Variants in DNAH7 observed in about 807,000 individuals in gnomAD.
DNAH7 encodes the protein axonemal beta dynein heavy chain 7.
In DNAH7, 397 loss-of-function variants were observed where a neutral mutation model predicts 444.6. The observed-to-expected ratio is 0.89, with a 90% CI of 0.82 to 0.97. The LOEUF is 0.97. Ranked by LOEUF, DNAH7 falls within the 50% of genes least tolerant of loss-of-function variation. The pLI is 0.00. For missense variants in DNAH7, 4,902 were observed against 4,800.8 expected (o/e 1.02, Z -0.62); for synonymous variants, 1,636 against 1,624.4 (o/e 1.01, Z -0.17).
At chr2:196,057,454 C>T (rs1697877418) in intron 2 of DNAH7, among the ~76,000 whole-genome samples, 1 of 152,014 alleles carries the variant, frequency 6.6e-6, no homozygotes, top group South Asian at 2.1e-4. Context: ...TACTTATAAA[C>T]TAGAAACAAG....
At position 195,782,121 on chromosome 2, in the gene DNAH7, T is replaced by C. The variant is rs566170692; in HGVS notation, c.10879-4136A>G. Among the ~76,000 whole-genome samples, 7 of 152,322 alleles carry C rather than the reference T, an allele frequency of 4.6e-5. No homozygotes were observed. The South Asian group carries it at 1.4e-3, about 32-fold the overall frequency. On this transcript the variant is annotated intron_variant, in intron 58 of 64. Coordinates refer to ENST00000312428, the MANE Select transcript of DNAH7 (RefSeq NM_018897.3). The stretch of plus-strand genomic sequence containing the variant: ...CTTCTTTTACACTTTTAATTTTTTC[T>C]ATTTAGTCTTTTTGGATCCAACAGA...
chr2:195,914,823 C>T (rs1364362994), intron 24 of DNAH7, among the ~76,000 whole-genome samples: 1 of 151,966 alleles, frequency 6.6e-6, no homozygotes, highest in African/African-American at 2.4e-5. Context: ...ACCACCATGT[C>T]CCACTAATTT....
chr2:195,800,243 G>T (rs1696381010), intron 54 of DNAH7, among the ~76,000 whole-genome samples: 1 of 152,174 alleles, frequency 6.6e-6, no homozygotes, highest in Non-Finnish European at 1.5e-5. Context: ...ATTTCAAGGT[G>T]AGCTTTGGTG....
intron 6 of DNAH7, among the ~76,000 whole-genome samples, chr2:196,027,170 C>G (rs1695742518): frequency 6.6e-6 from 1 of 151,990 alleles, no homozygotes; most frequent in African/African-American, 2.4e-5. Flanking sequence ...TACTGTAAAA[C>G]ATCAAGTTAT....
At chr2:195,873,485 T>C (rs1700838744) in intron 39 of DNAH7, 83 bp downstream of exon 39, 7 of 900,718 alleles carry the variant, frequency 7.8e-6, no homozygotes, top group Admixed American at 3.3e-5. Flanking sequence ...TTTTGTTCTT[T>C]GAAATACGCT....
rs1559151568 is a variant in DNAH7, at chr2:195,857,596, A to AT, written c.8194dup (p.Ile2732AsnfsTer2). The AT allele has an allele frequency of 6.2e-6, 10 of 1,613,796 alleles. No homozygotes were observed. The East Asian group carries it at 1.8e-4, about 29-fold the overall frequency. On this transcript the variant is annotated frameshift_variant, in exon 44 of 65. Coordinates refer to ENST00000312428, the MANE Select transcript of DNAH7 (RefSeq NM_018897.3). LOFTEE classifies it high-confidence loss of function. ...CTTAGCTGGGCCCCAGAAATCCTCA[A>AT]TTTTTTTCCCTGAACCTGTTGGGTC...
chr2:195,906,362 T>C (rs1687014841), intron 27 of DNAH7, among the ~76,000 whole-genome samples: 1 of 151,408 alleles, frequency 6.6e-6, no homozygotes, highest in African/African-American at 2.4e-5. Context: ...CAAAATATTT[T>C]ACATAAACTC....
chr2:195,983,604 G>C (rs1006222546), intron 15 of DNAH7, among the ~76,000 whole-genome samples: 6 of 152,132 alleles, frequency 3.9e-5, no homozygotes, highest in Admixed American at 1.3e-4. Flanking sequence ...CCTCCTACTA[G>C]GCCCCACCTC....
chr2:195,954,325 G>A (rs977775891), intron 19 of DNAH7, among the ~76,000 whole-genome samples: 1 of 152,124 alleles, frequency 6.6e-6, no homozygotes, highest in Admixed American at 6.5e-5. Context: ...ATGGTTTCCA[G>A]CTTCATCCAT....
rs1232022578 is a variant in DNAH7 at position 195,737,947 on chromosome 2, C to G, written c.12049G>C (p.Ala4017Pro). 1 of 1,614,008 alleles carries G rather than the reference C, an allele frequency of 6.2e-7. No individual in the cohort carries two copies. Among genetic ancestry groups the G allele is most frequent in the East Asian group, 2.2e-5 (1 of 44,880 alleles). The change falls in exon 65 of 65, where the codon GCA becomes CCA. Residue 4017 changes from alanine (A) to proline (P), a missense_variant. Physicochemically the swap from Ala to Pro is conservative, Grantham distance 27. Coordinates refer to ENST00000312428, the MANE Select transcript of DNAH7 (RefSeq NM_018897.3). ...PKEHWIGRGV[A>P]LLCQLNS The stretch of plus-strand genomic sequence containing the variant: ...TATGAATTAAGTTGACATAACAGTG[C>G]TACACCTCGTCCAATCCAGTGTTCC...
chr2:195,842,614 A>G (rs533547725), intron 47 of DNAH7, among the ~76,000 whole-genome samples: 1 of 152,286 alleles, frequency 6.6e-6, no homozygotes, highest in African/African-American at 2.4e-5. Context: ...TTCTTAGTAT[A>G]GTTGCTACCA....
intron 10 of DNAH7, among the ~76,000 whole-genome samples, chr2:196,011,219 T>G (rs1020112615): frequency 2.6e-5 from 4 of 152,194 alleles, no homozygotes; most frequent in African/African-American, 9.7e-5. Context: ...CTAATTACCC[T>G]AATTGAATCA....
rs559475664 is a variant in DNAH7, at chr2:195,988,784, C to T, written c.1354-555G>A. On this transcript the variant is annotated intron_variant, in intron 12 of 64. Coordinates refer to ENST00000312428, the MANE Select transcript of DNAH7 (RefSeq NM_018897.3). ...GTGCAATAGAACACCAGAACTTACT[C>T]CTCCCATCTAACTAACTTTGTACTC... Among the ~76,000 whole-genome samples the T allele has an allele frequency of 7.1e-4, 108 of 152,208 alleles. No homozygotes were observed. In the Middle Eastern group the frequency reaches 0.024, roughly 34 times the overall value.
chr2:195,855,488 A>G (rs966956144), intron 45 of DNAH7, among the ~76,000 whole-genome samples: 2 of 151,808 alleles, frequency 1.3e-5, no homozygotes, highest in Admixed American at 1.3e-4. Flanking sequence ...TCTAAGGCAG[A>G]CAGACTGACA....
At chr2:195,949,141 T>C (rs1690036627) in intron 19 of DNAH7, among the ~76,000 whole-genome samples, 1 of 152,200 alleles carries the variant, frequency 6.6e-6, no homozygotes, top group African/African-American at 2.4e-5. Context: ...ACTGATTTTG[T>C]ATCCTGAGAC....
chr2:195,948,141 GT>G (rs1296558696), intron 19 of DNAH7, among the ~76,000 whole-genome samples: 12 of 151,806 alleles, frequency 7.9e-5, no homozygotes, highest in Non-Finnish European at 1.0e-4. Flanking sequence ...TGATGGGGTT[GT>G]TTTTTTTCTT....
At chr2:196,029,581 A>G (rs1695910448) in intron 5 of DNAH7, among the ~76,000 whole-genome samples, 1 of 152,088 alleles carries the variant, frequency 6.6e-6, no homozygotes, top group Non-Finnish European at 1.5e-5. Context: ...AGTTTCACAT[A>G]TATTATTTAT....
chr2:195,943,848 G>A (rs1382836127), intron 19 of DNAH7, among the ~76,000 whole-genome samples: 1 of 152,122 alleles, frequency 6.6e-6, no homozygotes, highest in Non-Finnish European at 1.5e-5. Context: ...AGTGGCATAT[G>A]CCGGTTGACA....
chr2:195,899,554 T>C (rs542838652), intron 28 of DNAH7, among the ~76,000 whole-genome samples: 16 of 152,334 alleles, frequency 1.1e-4, no homozygotes, highest in African/African-American at 3.8e-4. Context: ...ATCACCACTA[T>C]ATATCAGAAT....
Sources: gnomAD v4.1 joint callset for allele counts (sites outside exome capture counted in the v4.1 genomes callset) on GRCh38, gnomAD v4.1.1 for gene constraint, MANE v1.5 for transcripts, NCBI Gene and HGNC (gene_info 2026-07-23, HGNC 2026-07-21) for gene names.